Variants in MSR1 observed in about 807,000 individuals in gnomAD.
MSR1 encodes macrophage scavenger receptor types I and II.
In MSR1, 53 loss-of-function variants were observed where a neutral mutation model predicts 47.2. The observed-to-expected ratio is 1.12, with a 90% confidence interval of 0.90 to 1.41. The LOEUF (loss-of-function observed/expected upper bound fraction) is 1.41, where lower values mean the gene tolerates loss of function less well. MSR1 is among the 40% of genes most tolerant of loss of function. The pLI, the probability that MSR1 is intolerant of heterozygous loss-of-function variation, is 0.00. For synonymous variants in MSR1, 239 were observed against 185.6 expected (o/e 1.29, Z -2.34); for missense variants, 786 against 546.9 (o/e 1.44, Z -4.36).
intron 9 of MSR1, 42 bp from the exon 10 acceptor site, chr8:16,110,260 T>C: frequency 2.5e-6 from 4 of 1,609,254 alleles, no homozygotes; most frequent in Non-Finnish European, 3.4e-6. Context: ...GTTTAGAGTT[T>C]AGTGTTTCTC....
chr8:16,178,030 GA>G (rs1403272408), intron 1 of MSR1, 38 bp from the exon 2 acceptor site: 1 of 1,462,788 alleles, frequency 6.8e-7, no homozygotes, highest in Non-Finnish European at 9.5e-7. Flanking sequence ...AATTCCACAT[GA>G]AATGGCTAGG....
chr8:16,148,643 AG>A (rs1172068602), intron 7 of MSR1, among the ~76,000 whole-genome samples: 1 of 151,996 alleles, frequency 6.6e-6, no homozygotes, highest in African/African-American at 2.4e-5. Flanking sequence ...CGGTTTCACC[AG>A]GTTGGCCAGG....
intron 8 of MSR1, among the ~76,000 whole-genome samples, chr8:16,132,833 A>T (rs1036789437): frequency 1.4e-5 from 2 of 148,086 alleles, no homozygotes; most frequent in East Asian, 3.9e-4. Context: ...TGGAGAGGGC[A>T]TCATTATCTT....
intron 8 of MSR1, among the ~76,000 whole-genome samples, chr8:16,130,775 C>A (rs1480387918): frequency 1.3e-5 from 2 of 151,862 alleles, no homozygotes; most frequent in African/African-American, 4.8e-5. Flanking sequence ...GGATAATGGC[C>A]TCCAGTTCCA....
Position 16,152,817 on chromosome 8 carries a change from G to A in MSR1, c.898+2247C>T, listed in dbSNP as rs115416226. ...TATATTACTACTTATCATCCTGGAA[G>A]CGCTGTGAATTCAGAGATTCTGTAT... On this transcript the variant is annotated intron_variant, in intron 6 of 9. Transcript: ENST00000262101. Among the ~76,000 whole-genome samples, 386 of 152,038 alleles carry A rather than the reference G, an allele frequency of 2.5e-3. 1 individual carries two copies. Among genetic ancestry groups the A allele is most frequent in the African/African-American group, 8.9e-3 (370 of 41,504 alleles).
intron 7 of MSR1, 89 bp downstream of exon 7, chr8:16,150,140 GTA>G (rs55913131): frequency 0.52 from 91,383 of 176,804 alleles, 20,651 homozygotes; most frequent in Non-Finnish European, 0.58. Flanking sequence ...GTGTGTGTGT[GTA>G]TATATATATA....
At chr8:16,186,395 C>G (rs1405785172) in intron 1 of MSR1, 2 of 550,092 alleles carry the variant, frequency 3.6e-6, no homozygotes, top group East Asian at 2.8e-5. Context: ...TATCTCTTGC[C>G]CATAGCTCGT....
chr8:16,111,826 G>A (rs1388941207), intron 9 of MSR1, among the ~76,000 whole-genome samples: 1 of 152,128 alleles, frequency 6.6e-6, no homozygotes, highest in East Asian at 1.9e-4. Context: ...TGAGGAAACT[G>A]AAAATCAGCA....
intron 8 of MSR1, among the ~76,000 whole-genome samples, chr8:16,142,796 C>T (rs1250763780): frequency 6.6e-6 from 1 of 152,000 alleles, no homozygotes; most frequent in Non-Finnish European, 1.5e-5. Flanking sequence ...GACACACAGA[C>T]ACACACACAC....
chr8:16,170,719 T>G (rs1801459427), intron 3 of MSR1, among the ~76,000 whole-genome samples: 1 of 152,194 alleles, frequency 6.6e-6, no homozygotes, highest in African/African-American at 2.4e-5. Context: ...AGGATTTTGT[T>G]CAATAACTAA....
chr8:16,162,993 A>G (rs536981679), intron 5 of MSR1, among the ~76,000 whole-genome samples: 2 of 152,068 alleles, frequency 1.3e-5, no homozygotes, highest in Non-Finnish European at 1.5e-5. Flanking sequence ...GCAGGAAACT[A>G]GGGAAGAGGA....
intron 9 of MSR1, among the ~76,000 whole-genome samples, chr8:16,112,905 G>C (rs929714082): frequency 2.0e-5 from 3 of 148,660 alleles, no homozygotes; most frequent in East Asian, 3.9e-4. Flanking sequence ...ATAATTTGAG[G>C]GTTGTAGGGA....
At chr8:16,179,266 A>T (rs1801753490) in intron 1 of MSR1, among the ~76,000 whole-genome samples, 1 of 152,190 alleles carries the variant, frequency 6.6e-6, no homozygotes, top group Non-Finnish European at 1.5e-5. Flanking sequence ...TACAAAAGTC[A>T]ATTTTCCCAG....
intron 3 of MSR1, among the ~76,000 whole-genome samples, chr8:16,174,217 T>C (rs1051889567): frequency 1.3e-5 from 2 of 151,888 alleles, no homozygotes; most frequent in African/African-American, 4.8e-5. Context: ...GACTGCCCTG[T>C]AGCAGAGGAA....
chr8:16,142,779 TC>T (rs1218605055), intron 8 of MSR1, among the ~76,000 whole-genome samples: 2 of 152,066 alleles, frequency 1.3e-5, no homozygotes, highest in Admixed American at 6.6e-5. Context: ...GTGTTACCTA[TC>T]CCATGGACAC....
At chr8:16,159,018 T>G (rs1289415905) in intron 5 of MSR1, among the ~76,000 whole-genome samples, 1 of 149,550 alleles carries the variant, frequency 6.7e-6, no homozygotes, top group African/African-American at 2.5e-5. Context: ...GGCCCTCATG[T>G]CTCACTCTCC....
rs1415197255 is a variant in MSR1, at chr8:16,176,759, ACT to A, written c.103+1125_103+1126del. Among the ~76,000 whole-genome samples, 4 of 151,862 alleles carry A rather than the reference ACT, an allele frequency of 2.6e-5. No homozygotes were observed. The East Asian group carries it at 7.7e-4, about 29-fold the overall frequency. On this transcript the variant is annotated intron_variant, in intron 2 of 9. Transcript: ENST00000262101. Reference sequence around the variant, plus strand: ...CGATGTCTCTCTCCTCCTTCTTCAAACTCTCATCATTTCTGTCTGTAACAGCC... The same window carrying A: ...CGATGTCTCTCTCCTCCTTCTTCAAACTCATCATTTCTGTCTGTAACAGCC...
chr8:16,123,129 G>A (rs573016253), intron 8 of MSR1, among the ~76,000 whole-genome samples: 5 of 152,116 alleles, frequency 3.3e-5, no homozygotes, highest in Non-Finnish European at 7.4e-5. Flanking sequence ...ACAGGCATAA[G>A]CCACGGCACC....
At chr8:16,111,171 A>G (rs1289451255) in intron 9 of MSR1, among the ~76,000 whole-genome samples, 1 of 152,182 alleles carries the variant, frequency 6.6e-6, no homozygotes, top group African/African-American at 2.4e-5. Flanking sequence ...AAGTCTATAA[A>G]AACTTTTTGA....
Sources: allele counts gnomAD v4.1 joint callset (sites outside exome capture counted in the v4.1 genomes callset), GRCh38; gene constraint gnomAD v4.1.1; transcripts MANE v1.5; gene names NCBI Gene and HGNC (gene_info 2026-07-23, HGNC 2026-07-21).